TENM2: variants seen among roughly 807,000 people sequenced by gnomAD.
TENM2 encodes teneurin-2.
Under a neutral mutation model 245.2 loss-of-function variants are expected in TENM2, and 52 were observed. The observed-to-expected ratio is 0.21, with a 90% CI of 0.17 to 0.27. The LOEUF (loss-of-function observed/expected upper bound fraction) is 0.27, where lower values mean the gene tolerates loss of function less well. TENM2 is among the 10% of genes least tolerant of loss of function. The probability of loss-of-function intolerance (pLI) is 1.00; values close to 1 mark genes in which losing one functional copy is unlikely to be tolerated. For synonymous variants in TENM2, 1,363 were observed against 1,438.9 expected (o/e 0.95, Z 1.19); for missense variants, 3,046 against 3,666.8 (o/e 0.83, Z 4.37).
At chr5:167,850,012 A>G (rs1342373326) in intron 2 of TENM2, among the ~76,000 whole-genome samples, 1 of 152,118 alleles carries the variant, frequency 6.6e-6, no homozygotes, top group Non-Finnish European at 1.5e-5. Context: ...GATCAACTCA[A>G]CCTTCAACTC....
At chr5:167,604,502 G>T (rs763064636) in intron 2 of TENM2, among the ~76,000 whole-genome samples, 1 of 152,092 alleles carries the variant, frequency 6.6e-6, no homozygotes. Context: ...ATCTTTTGGG[G>T]TAACTTTCTT....
intron 12 of TENM2, chr5:168,129,669 A>G (rs1754392978): frequency 2.0e-5 from 3 of 152,232 alleles, no homozygotes; most frequent in African/African-American, 7.2e-5. Context: ...GCATAATTGC[A>G]TCTTTAGCTT....
At chr5:167,281,273 ATTT>A (rs113120728), upstream of TENM2, among the ~76,000 whole-genome samples, 2 of 131,820 alleles carry the variant, frequency 1.5e-5, no homozygotes, top group African/African-American at 2.7e-5. Flanking sequence ...ACGCCTGGCT[ATTT>A]TTTTTTTTTT....
At chr5:168,257,388 G>A (rs1007509756) in intron 27 of TENM2, among the ~76,000 whole-genome samples, 16 of 152,138 alleles carry the variant, frequency 1.1e-4, no homozygotes, top group Non-Finnish European at 1.8e-4. Flanking sequence ...GGAAAAGCCC[G>A]CTGGGCAGAG....
chr5:167,772,432 T>A, intron 2 of TENM2, among the ~76,000 whole-genome samples: 1 of 152,146 alleles, frequency 6.6e-6, no homozygotes, highest in East Asian at 1.9e-4. Flanking sequence ...ATGGCTTGAT[T>A]AGCTTTTTTA....
At chr5:167,754,139 T>C (rs1762131724) in intron 2 of TENM2, among the ~76,000 whole-genome samples, 1 of 152,226 alleles carries the variant, frequency 6.6e-6, no homozygotes, top group Non-Finnish European at 1.5e-5. Context: ...ACTGCAACTA[T>C]ACTTTCCTTC....
intron 2 of TENM2, among the ~76,000 whole-genome samples, chr5:167,474,728 C>T (rs2127518297): frequency 6.6e-6 from 1 of 152,210 alleles, no homozygotes; most frequent in African/African-American, 2.4e-5. Context: ...GTTAGTCAGG[C>T]TGGTCTTGAA....
intron 5 of TENM2, among the ~76,000 whole-genome samples, chr5:168,036,677 G>GTATATATATATATATATATATA (rs60784450): frequency 8.5e-6 from 1 of 117,790 alleles, no homozygotes; most frequent in African/African-American, 3.4e-5. Flanking sequence ...ATATGTATGT[G>GTATATATATATATATATATATA]TATATATATA....
At chr5:168,022,799 C>A (rs925939435) in intron 5 of TENM2, among the ~76,000 whole-genome samples, 5 of 152,170 alleles carry the variant, frequency 3.3e-5, no homozygotes, top group Admixed American at 1.3e-4. Context: ...ACTTTAGAAT[C>A]GTTCCTGATT....
intron 2 of TENM2, among the ~76,000 whole-genome samples, chr5:167,855,892 A>G (rs866441441): frequency 4.2e-4 from 36 of 85,520 alleles, no homozygotes; most frequent in African/African-American, 1.4e-3. Context: ...GAAGGGAAGG[A>G]GGGAGGGAGG....
chr5:167,667,964 TTTTG>T lies in TENM2; in HGVS notation c.503-208021_503-208018del, dbSNP rs1303779403. Among the ~76,000 whole-genome samples, 4 of 152,306 alleles carry T rather than the reference TTTTG, an allele frequency of 2.6e-5. No individual in the cohort carries two copies. In the South Asian group the frequency reaches 8.3e-4, roughly 32 times the overall value. The stretch of plus-strand genomic sequence containing the variant: ...GGAAAACACAGTAAAGAACTCTTCA[TTTTG>T]AAGTTTGTTTCTTGCCTGCAAATCA... On this transcript the variant is annotated intron_variant, in intron 2 of 28. Transcript: ENST00000518659.
chr5:167,743,359 A>T (rs996893476), intron 2 of TENM2, among the ~76,000 whole-genome samples: 1 of 152,150 alleles, frequency 6.6e-6, no homozygotes, highest in Non-Finnish European at 1.5e-5. Flanking sequence ...GAGCGCATTG[A>T]GTGACTGGGC....
At chr5:167,872,320 AAGAAAGAAAG>A (rs1772915548) in intron 2 of TENM2, among the ~76,000 whole-genome samples, 2 of 52,970 alleles carry the variant, frequency 3.8e-5, no homozygotes, top group Non-Finnish European at 1.2e-4. Flanking sequence ...GAAAGAAAGA[AAGAAAGAAAG>A]AAAGAAAGAA....
intron 2 of TENM2, among the ~76,000 whole-genome samples, chr5:167,434,377 C>A (rs556517471): frequency 7.8e-6 from 1 of 128,862 alleles, no homozygotes; most frequent in Non-Finnish European, 1.5e-5. Context: ...TGTGCTGCTG[C>A]GCTCCAGCCT....
chr5:168,100,459 CA>C (rs201530902), intron 9 of TENM2, among the ~76,000 whole-genome samples: 1 of 152,082 alleles, frequency 6.6e-6, no homozygotes, highest in East Asian at 1.9e-4. Flanking sequence ...GCACTATTCA[CA>C]ATAGCAAAGA....
intron 2 of TENM2, among the ~76,000 whole-genome samples, chr5:167,616,752 TTTC>T (rs1346895323): frequency 4.3e-4 from 66 of 152,210 alleles, no homozygotes; most frequent in Admixed American, 8.5e-4. Context: ...GTGTAATTGT[TTTC>T]TTCTTCTTTT....
chr5:168,210,612 CTTTT>C (rs34472788), intron 19 of TENM2, among the ~76,000 whole-genome samples: 2 of 143,150 alleles, frequency 1.4e-5, no homozygotes, highest in Non-Finnish European at 3.1e-5. Context: ...ATTTAATTAA[CTTTT>C]TTTTTTTTTT....
At chr5:167,005,817 A>G in the TENM2 span, among the ~76,000 whole-genome samples, 7 of 151,634 alleles carry the variant, frequency 4.6e-5, no homozygotes, top group South Asian at 1.5e-3. Flanking sequence ...GTGTGCCACC[A>G]CATCTGGTTA....
At chr5:167,668,671 T>C (rs540300093) in intron 2 of TENM2, among the ~76,000 whole-genome samples, 2 of 152,318 alleles carry the variant, frequency 1.3e-5, no homozygotes, top group Non-Finnish European at 2.9e-5. Context: ...AGTAAAGGCT[T>C]ATTGTAAGCA....
Sources: allele counts gnomAD v4.1 joint callset (sites outside exome capture counted in the v4.1 genomes callset), GRCh38; gene constraint gnomAD v4.1.1; transcripts MANE v1.5; gene names NCBI Gene and HGNC (gene_info 2026-07-23, HGNC 2026-07-21).